The following LHPP variants were observed in gnomAD, a reference collection of about 807,000 sequenced individuals.
LHPP encodes hLHPP.
Under a neutral mutation model 30.3 loss-of-function variants are expected in LHPP, and 24 were observed. That is an observed-to-expected ratio of 0.79 (90% CI 0.57 to 1.11). LHPP has a LOEUF of 1.11. Ranked by LOEUF, LHPP falls within the 50% of genes most tolerant of loss-of-function variation. The pLI is 0.00. For synonymous variants in LHPP, 150 were observed against 157.1 expected (o/e 0.95, Z 0.34); for missense variants, 356 against 367.2 (o/e 0.97, Z 0.25).
At chr10:124,542,743 G>A (rs375605758) in intron 6 of LHPP, among the ~76,000 whole-genome samples, 9 of 152,052 alleles carry the variant, frequency 5.9e-5, no homozygotes, top group Admixed American at 1.3e-4. Context: ...GGCTCACCCC[G>A]CCCTGCTGCC....
At chr10:124,556,294 T>C (rs1246678897) in intron 6 of LHPP, among the ~76,000 whole-genome samples, 1 of 152,204 alleles carries the variant, frequency 6.6e-6, no homozygotes, top group African/African-American at 2.4e-5. Flanking sequence ...ACAGGCTGTT[T>C]TGGGACATCT....
At chr10:124,480,106 AAC>A (rs1953079790) in intron 1 of LHPP, among the ~76,000 whole-genome samples, 1 of 152,154 alleles carries the variant, frequency 6.6e-6, no homozygotes, top group Non-Finnish European at 1.5e-5. Context: ...TTACTCTTTA[AAC>A]AATAGTGCCT....
At chr10:124,602,176 C>A (rs1332610458) in intron 6 of LHPP, among the ~76,000 whole-genome samples, 1 of 152,220 alleles carries the variant, frequency 6.6e-6, no homozygotes, top group Non-Finnish European at 1.5e-5. Context: ...GATTTCGATT[C>A]TTGTGCGAGG....
intron 6 of LHPP, among the ~76,000 whole-genome samples, chr10:124,569,117 G>A (rs538725116): frequency 1.3e-5 from 2 of 152,190 alleles, no homozygotes; most frequent in Non-Finnish European, 2.9e-5. Context: ...CATGCACACT[G>A]CCTGGGTGGG....
intron 6 of LHPP, among the ~76,000 whole-genome samples, chr10:124,540,589 G>T (rs1213453301): frequency 6.6e-6 from 1 of 152,190 alleles, no homozygotes; most frequent in East Asian, 1.9e-4. Flanking sequence ...TGACATTTTT[G>T]CTGGGGATCC....
intron 6 of LHPP, among the ~76,000 whole-genome samples, chr10:124,557,921 G>A (rs1948330336): frequency 1.3e-5 from 2 of 152,144 alleles, no homozygotes; most frequent in African/African-American, 4.8e-5. Flanking sequence ...CAGGGGTGGG[G>A]TGCGTTGCCT....
intron 1 of LHPP, among the ~76,000 whole-genome samples, chr10:124,477,634 TGTGCTGG>T (rs1158341261): frequency 5.3e-5 from 8 of 152,342 alleles, no homozygotes; most frequent in African/African-American, 1.9e-4. Context: ...AAGCACCTAC[TGTGCTGG>T]GTACTGGGTA....
chr10:124,485,792 G>T (rs971389939), intron 2 of LHPP, among the ~76,000 whole-genome samples: 2 of 151,974 alleles, frequency 1.3e-5, no homozygotes, highest in Admixed American at 6.6e-5. Context: ...GTAGAGATGG[G>T]GTTTCACCAT....
intron 5 of LHPP, among the ~76,000 whole-genome samples, chr10:124,507,156 T>TC (rs1259214050): frequency 1.8e-5 from 1 of 56,122 alleles, no homozygotes. Context: ...GGATTTCAGG[T>TC]GGGAGGGTAG....
chr10:124,484,670 CAG>C (rs5788664), intron 2 of LHPP, among the ~76,000 whole-genome samples: 86,096 of 143,896 alleles, frequency 0.6, 26,596 homozygotes, highest in East Asian at 0.87. Context: ...GAGAAAGAGA[CAG>C]AGAGAGAGAG....
intron 5 of LHPP, among the ~76,000 whole-genome samples, chr10:124,516,775 A>T (rs1331164474): frequency 6.6e-6 from 1 of 152,198 alleles, no homozygotes; most frequent in Non-Finnish European, 1.5e-5. Flanking sequence ...AAAACTTACA[A>T]AGATTTGCCA....
chr10:124,486,562 G>T (rs1254722447), intron 2 of LHPP, among the ~76,000 whole-genome samples: 4 of 152,246 alleles, frequency 2.6e-5, no homozygotes, highest in East Asian at 1.9e-4. Context: ...TTGTCCCTTC[G>T]AAATGGAGTC....
intron 2 of LHPP, among the ~76,000 whole-genome samples, chr10:124,486,052 C>T (rs1204818612): frequency 1.3e-5 from 2 of 152,226 alleles, no homozygotes; most frequent in African/African-American, 4.8e-5. Context: ...GTATACTCCC[C>T]TATACACTTC....
At position 124,593,868 on chromosome 10, in the gene LHPP, C is replaced by T. The variant is rs1347992516; in HGVS notation, c.717-19396C>T. Among the ~76,000 whole-genome samples, 1 of 152,234 alleles carries T rather than the reference C, an allele frequency of 6.6e-6. No homozygotes were observed. The highest frequency in any genetic ancestry group is 1.5e-5 in the Non-Finnish European group (1 of 68,030). ...GAGCAGGTGGCATTTGCCATGCCTG[C>T]CCTGCTTGGGTATTTGGCCCCAGGG... On this transcript the variant is annotated intron_variant, in intron 6 of 6. Transcript: ENST00000368842. This position sits in a 1 kb window ranked among gnomAD's most constrained non-coding sequence, Gnocchi z 4.9.
intron 6 of LHPP, among the ~76,000 whole-genome samples, chr10:124,556,716 G>A (rs548701011): frequency 5.9e-5 from 9 of 152,234 alleles, no homozygotes; most frequent in African/African-American, 1.9e-4. Flanking sequence ...TTTTTAAAAC[G>A]CGCCTCCATC....
intron 1 of LHPP, among the ~76,000 whole-genome samples, chr10:124,480,846 C>G (rs1359639774): frequency 6.6e-6 from 1 of 152,212 alleles, no homozygotes; most frequent in Non-Finnish European, 1.5e-5. Context: ...GTCAGCAGAT[C>G]TACAGATTTC....
intron 6 of LHPP, among the ~76,000 whole-genome samples, chr10:124,533,547 G>A (rs1692642778): frequency 6.6e-6 from 1 of 152,252 alleles, no homozygotes; most frequent in African/African-American, 2.4e-5. Flanking sequence ...ATAGGCGCTT[G>A]ATTGGAAACG....
At chr10:124,463,512 G>A (rs576657378) in intron 1 of LHPP, among the ~76,000 whole-genome samples, 7 of 152,058 alleles carry the variant, frequency 4.6e-5, no homozygotes, top group Non-Finnish European at 7.4e-5. Context: ...ACAGGCACCC[G>A]CCACCACGCC....
chr10:124,582,177 C>A (rs1381062710), intron 6 of LHPP, among the ~76,000 whole-genome samples: 1 of 152,136 alleles, frequency 6.6e-6, no homozygotes, highest in Admixed American at 6.5e-5. Context: ...AACTCCTGGG[C>A]TCAAACCATC....
Sources: gnomAD v4.1 joint callset for allele counts (sites outside exome capture counted in the v4.1 genomes callset) on GRCh38, gnomAD v4.1.1 for gene constraint, Gnocchi (gnomAD v3.1) non-coding constraint, MANE v1.5 for transcripts, NCBI Gene and HGNC (gene_info 2026-07-23, HGNC 2026-07-21) for gene names.